The following CDH4 variants were observed in gnomAD, a reference collection of about 807,000 sequenced individuals.
CDH4 encodes the protein cadherin 4.
In CDH4, 33 loss-of-function variants were observed where a neutral mutation model predicts 86.0. The ratio of observed to expected loss-of-function variants is 0.38; its 90% CI spans 0.29 to 0.51. The LOEUF (loss-of-function observed/expected upper bound fraction) is 0.51. Among genes scored for constraint, CDH4 ranks in the 20% least tolerant of loss-of-function variants. CDH4 has a pLI of 0.86. For synonymous variants in CDH4, 555 were observed against 549.4 expected (o/e 1.01, Z -0.14); for missense variants, 1,114 against 1,307.4 (o/e 0.85, Z 2.28).
chr20:61,311,442 A>G (rs1168683347), intron 2 of CDH4, among the ~76,000 whole-genome samples: 1 of 152,254 alleles, frequency 6.6e-6, no homozygotes, highest in Non-Finnish European at 1.5e-5. Context: ...AAGATGTAAT[A>G]TAGACTGGTG....
chr20:61,542,465 C>T (rs895431835), intron 2 of CDH4, among the ~76,000 whole-genome samples: 9 of 152,152 alleles, frequency 5.9e-5, no homozygotes, highest in African/African-American at 1.9e-4. Flanking sequence ...GTTATTTCAT[C>T]GCTTTAATCT....
intron 9 of CDH4, among the ~76,000 whole-genome samples, chr20:61,917,149 CCCAATT>C (rs2054910730): frequency 6.6e-6 from 1 of 152,238 alleles, no homozygotes; most frequent in African/African-American, 2.4e-5. Flanking sequence ...GCCCCACACT[CCCAATT>C]CCATCTCCCT....
At chr20:61,542,432 C>G (rs2086046533) in intron 2 of CDH4, among the ~76,000 whole-genome samples, 1 of 152,194 alleles carries the variant, frequency 6.6e-6, no homozygotes, top group Non-Finnish European at 1.5e-5. Flanking sequence ...AGATCCTGCA[C>G]ACTTTCTGAT....
intron 2 of CDH4, among the ~76,000 whole-genome samples, chr20:61,558,159 G>A (rs1156803357): frequency 1.3e-5 from 2 of 152,032 alleles, no homozygotes; most frequent in Admixed American, 1.3e-4. Context: ...AATAATGAAG[G>A]GGTATGTCTT....
chr20:61,499,690 G>A (rs547097949), intron 2 of CDH4, among the ~76,000 whole-genome samples: 2 of 152,272 alleles, frequency 1.3e-5, no homozygotes, highest in East Asian at 1.9e-4. Context: ...CATCCCATGA[G>A]GGCAGGAACA....
chr20:61,282,858 ATGTGC>A (rs1730160409), intron 2 of CDH4, among the ~76,000 whole-genome samples: 1 of 145,478 alleles, frequency 6.9e-6, no homozygotes, highest in African/African-American at 2.6e-5. Context: ...ATTTGCACGC[ATGTGC>A]TGTGGTGTGT....
chr20:61,276,111 T>A (rs2084230278), intron 2 of CDH4, among the ~76,000 whole-genome samples: 1 of 152,210 alleles, frequency 6.6e-6, no homozygotes, highest in Admixed American at 6.5e-5. Context: ...ATAAGTCTAG[T>A]GCTTTACAAT....
intron 7 of CDH4, among the ~76,000 whole-genome samples, chr20:61,874,447 C>A (rs1191304157): frequency 6.6e-6 from 1 of 152,204 alleles, no homozygotes; most frequent in Non-Finnish European, 1.5e-5. Flanking sequence ...CCTGCACTGT[C>A]CTGCGGTCCT....
At chr20:61,622,349 C>T (rs930923468) in intron 2 of CDH4, among the ~76,000 whole-genome samples, 4 of 152,248 alleles carry the variant, frequency 2.6e-5, no homozygotes, top group East Asian at 1.9e-4. Context: ...TATGTACTCC[C>T]TGGGGCAGGT....
intron 2 of CDH4, among the ~76,000 whole-genome samples, chr20:61,665,393 T>C (rs6061710): frequency 0.83 from 126,604 of 152,288 alleles, 53,132 homozygotes; most frequent in African/African-American, 0.96. Context: ...AGTTAAGCGA[T>C]GCTAAAAACA....
At chr20:61,349,937 C>G (rs114489293) in intron 2 of CDH4, among the ~76,000 whole-genome samples, 1 of 152,126 alleles carries the variant, frequency 6.6e-6, no homozygotes, top group African/African-American at 2.4e-5. Flanking sequence ...GTGCCAGACT[C>G]AGCCCAGCGC....
intron 3 of CDH4, among the ~76,000 whole-genome samples, chr20:61,764,732 G>A (rs1180444213): frequency 6.6e-6 from 1 of 152,170 alleles, no homozygotes; most frequent in African/African-American, 2.4e-5. Context: ...GCTCCCCAAG[G>A]CGCCCCAGCC....
chr20:61,880,031 C>T (rs367698422), intron 7 of CDH4, among the ~76,000 whole-genome samples: 13 of 152,204 alleles, frequency 8.5e-5, no homozygotes, highest in African/African-American at 2.7e-4. Flanking sequence ...ACCCTCTGCC[C>T]GCCCGGTGCT....
At chr20:61,716,880 C>G (rs999325152) in intron 2 of CDH4, among the ~76,000 whole-genome samples, 1 of 152,144 alleles carries the variant, frequency 6.6e-6, no homozygotes, top group Non-Finnish European at 1.5e-5. Flanking sequence ...TGTACTCGAG[C>G]CTGGGCAACA....
intron 5 of CDH4, among the ~76,000 whole-genome samples, chr20:61,851,578 T>A (rs1982727169): frequency 6.6e-6 from 1 of 152,238 alleles, no homozygotes; most frequent in Non-Finnish European, 1.5e-5. Context: ...AGGTCTGTTG[T>A]GTCCAACTTC....
At chr20:61,485,292 CAACGCTTGG>C (rs2085589817) in intron 2 of CDH4, among the ~76,000 whole-genome samples, 2 of 152,182 alleles carry the variant, frequency 1.3e-5, no homozygotes, top group African/African-American at 2.4e-5. Context: ...TTCCACCCTC[CAACGCTTGG>C]CTGGATTTGG....
chr20:61,411,156 A>G (rs542145044), intron 2 of CDH4, among the ~76,000 whole-genome samples: 3 of 151,012 alleles, frequency 2.0e-5, no homozygotes, highest in East Asian at 1.9e-4. Flanking sequence ...CCATCCATCC[A>G]TCCTTGCTAG....
At chr20:61,511,446 C>T (rs1234095556) in intron 2 of CDH4, among the ~76,000 whole-genome samples, 1 of 152,184 alleles carries the variant, frequency 6.6e-6, no homozygotes. Flanking sequence ...TTAAAAAAGT[C>T]CTTCCCCTAA....
chr20:61,358,787 A>G (rs1232032348), intron 2 of CDH4, among the ~76,000 whole-genome samples: 1 of 152,192 alleles, frequency 6.6e-6, no homozygotes, highest in Non-Finnish European at 1.5e-5. Context: ...CACCCAGGGA[A>G]CAGTCGCTTT....
Sources: gnomAD v4.1 joint callset for allele counts (sites outside exome capture counted in the v4.1 genomes callset) on GRCh38, gnomAD v4.1.1 for gene constraint, MANE v1.5 for transcripts, NCBI Gene and HGNC (gene_info 2026-07-23, HGNC 2026-07-21) for gene names.